Variants in ARB2A observed in about 807,000 individuals in gnomAD.
ARB2A encodes the protein ARB2 cotranscriptional regulator A.
the ARB2A span, among the ~76,000 whole-genome samples, chr5:93,891,717 C>A: frequency 3.3e-5 from 5 of 152,064 alleles, no homozygotes; most frequent in African/African-American, 1.2e-4. Context: ...ATTGTCCAAT[C>A]GTCCACAGCA....
the ARB2A span, among the ~76,000 whole-genome samples, chr5:93,986,733 G>T: frequency 3.3e-5 from 5 of 152,134 alleles, no homozygotes; most frequent in African/African-American, 1.2e-4. Flanking sequence ...CGGTGCTCTC[G>T]GAAACATGTG....
chr5:94,078,556 G>A, the ARB2A span, among the ~76,000 whole-genome samples: 1 of 152,164 alleles, frequency 6.6e-6, no homozygotes, highest in Admixed American at 6.5e-5. Flanking sequence ...AGGCTGAGCA[G>A]ACACGAGACA....
the ARB2A span, among the ~76,000 whole-genome samples, chr5:93,903,465 T>TG: frequency 6.6e-6 from 1 of 152,048 alleles, no homozygotes; most frequent in Non-Finnish European, 1.5e-5. Flanking sequence ...ACAAAACTCA[T>TG]GCAGGACAGA....
chr5:94,014,639 C>T, the ARB2A span, among the ~76,000 whole-genome samples: 2 of 151,798 alleles, frequency 1.3e-5, no homozygotes, highest in East Asian at 3.9e-4. Flanking sequence ...TCATTGATAT[C>T]CAACACAACA....
chr5:94,050,628 C>T, the ARB2A span: 1 of 789,324 alleles, frequency 1.3e-6, no homozygotes, highest in East Asian at 2.8e-5. Flanking sequence ...TTTTTGGAAT[C>T]ACATTTTGTA....
the ARB2A span, among the ~76,000 whole-genome samples, chr5:93,808,062 G>T: frequency 6.6e-6 from 1 of 151,974 alleles, no homozygotes. Context: ...ATAGAAGCAC[G>T]TCCTGCAACC....
At chr5:94,055,664 T>C in the ARB2A span, 1 of 985,172 alleles carries the variant, frequency 1.0e-6, no homozygotes, top group Non-Finnish European at 1.2e-6. Flanking sequence ...TCTTACCACC[T>C]TGTAAATCTT....
the ARB2A span, among the ~76,000 whole-genome samples, chr5:93,782,214 T>C: frequency 1.3e-5 from 2 of 152,208 alleles, no homozygotes; most frequent in Admixed American, 6.5e-5. Context: ...TGAGATATTA[T>C]AGTGTTTTCA....
chr5:93,812,972 G>C, the ARB2A span, among the ~76,000 whole-genome samples: 1 of 152,168 alleles, frequency 6.6e-6, no homozygotes, highest in South Asian at 2.1e-4. Context: ...AGAAGAGGAA[G>C]AGACTAGAGC....
chr5:93,854,696 C>T, the ARB2A span, among the ~76,000 whole-genome samples: 16 of 152,270 alleles, frequency 1.1e-4, no homozygotes, highest in Non-Finnish European at 1.9e-4. Context: ...TTTATTTCTG[C>T]CTTCATTTCG....
At chr5:94,050,261 T>TC in the ARB2A span, among the ~76,000 whole-genome samples, 1 of 150,388 alleles carries the variant, frequency 6.6e-6, no homozygotes, top group East Asian at 1.9e-4. Flanking sequence ...ACTTTTTTTT[T>TC]TTTTTTTTTT....
chr5:93,995,636 A>G, the ARB2A span, among the ~76,000 whole-genome samples: 9 of 152,128 alleles, frequency 5.9e-5, no homozygotes, highest in Non-Finnish European at 1.2e-4. Context: ...CAGATTTTCA[A>G]CTATGTGAGG....
chr5:94,053,078 T>TAGAC, the ARB2A span: 3 of 871,316 alleles, frequency 3.4e-6, no homozygotes, highest in East Asian at 3.3e-5. Context: ...ATACTATAGA[T>TAGAC]AGATAGATAG....
the ARB2A span, among the ~76,000 whole-genome samples, chr5:93,698,017 T>C: frequency 1.3e-5 from 2 of 152,080 alleles, no homozygotes; most frequent in South Asian, 2.1e-4. Context: ...TGCAATACAG[T>C]CCCCAGAATA....
chr5:94,050,505 G>A, the ARB2A span, among the ~76,000 whole-genome samples: 68 of 151,632 alleles, frequency 4.5e-4, no homozygotes, highest in South Asian at 8.3e-4. Context: ...CACCTGCCTC[G>A]GCCTCCCAGA....
At chr5:94,082,109 A>C in the ARB2A span, among the ~76,000 whole-genome samples, 1 of 152,248 alleles carries the variant, frequency 6.6e-6, no homozygotes, top group East Asian at 1.9e-4. Flanking sequence ...TGTAAATCAC[A>C]GTGCACTGGT....
At chr5:93,805,898 T>C in the ARB2A span, 2 of 984,992 alleles carry the variant, frequency 2.0e-6, no homozygotes, top group Admixed American at 6.2e-5. Flanking sequence ...AGCATCTGAA[T>C]TAGCTTGTTT....
At chr5:93,823,168 T>C in the ARB2A span, among the ~76,000 whole-genome samples, 9 of 152,204 alleles carry the variant, frequency 5.9e-5, no homozygotes, top group Admixed American at 5.9e-4. Context: ...GGTAACTTCC[T>C]GTAACATAAG....
the ARB2A span, among the ~76,000 whole-genome samples, chr5:93,652,703 T>C: frequency 6.6e-6 from 1 of 152,230 alleles, no homozygotes; most frequent in Non-Finnish European, 1.5e-5. Flanking sequence ...AGCTGCTGAT[T>C]TAAAGTTCTG....
Sources: gnomAD v4.1 joint callset for allele counts (sites outside exome capture counted in the v4.1 genomes callset) on GRCh38, gnomAD v4.1.1 for gene constraint, MANE v1.5 for transcripts, NCBI Gene and HGNC (gene_info 2026-07-23, HGNC 2026-07-21) for gene names.